Variants in DEPTOR observed in about 807,000 individuals in gnomAD.
The protein encoded by DEPTOR is DEP domain-containing mTOR-interacting protein.
Under a neutral mutation model 41.6 loss-of-function variants are expected in DEPTOR, and 41 were observed. The ratio of observed to expected loss-of-function variants is 0.98; its 90% CI spans 0.77 to 1.28. The LOEUF is 1.28. Ranked by LOEUF, DEPTOR falls within the 50% of genes most tolerant of loss-of-function variation. The probability of loss-of-function intolerance (pLI) is 0.00; values close to 1 mark genes in which losing one functional copy is unlikely to be tolerated. For missense variants in DEPTOR, 514 were observed against 527.9 expected (o/e 0.97, Z 0.26); for synonymous variants, 195 against 192.3 (o/e 1.01, Z -0.12).
intron 3 of DEPTOR, among the ~76,000 whole-genome samples, chr8:119,932,412 A>G (rs2129863380): frequency 7.4e-6 from 1 of 135,094 alleles, no homozygotes; most frequent in Middle Eastern, 4.1e-3. Flanking sequence ...TGATGGCAAG[A>G]CAGTAAGAAG....
intron 6 of DEPTOR, among the ~76,000 whole-genome samples, chr8:120,004,641 T>C (rs181632022): frequency 3.3e-5 from 5 of 152,310 alleles, no homozygotes; most frequent in African/African-American, 1.2e-4. Flanking sequence ...TCTTTCTCCT[T>C]GCCTCTGGGT....
chr8:119,938,771 A>C (rs1373487228), intron 3 of DEPTOR, among the ~76,000 whole-genome samples: 1 of 151,532 alleles, frequency 6.6e-6, no homozygotes, highest in Non-Finnish European at 1.5e-5. Context: ...CGGCCTCCCA[A>C]ATTGTTGGGA....
intron 1 of DEPTOR, among the ~76,000 whole-genome samples, chr8:119,903,406 T>A (rs2129757184): frequency 6.6e-6 from 1 of 152,270 alleles, no homozygotes; most frequent in Non-Finnish European, 1.5e-5. Context: ...CCAAAAATAC[T>A]ATTTTTTTGC....
intron 1 of DEPTOR, among the ~76,000 whole-genome samples, chr8:119,925,867 CA>C (rs1158260072): frequency 2.0e-5 from 3 of 152,168 alleles, no homozygotes; most frequent in African/African-American, 4.8e-5. Context: ...TCAAGTGATC[CA>C]CCTGCCTTGG....
At chr8:120,033,081 CTTTT>C (rs35161313) in intron 8 of DEPTOR, among the ~76,000 whole-genome samples, 187 of 98,928 alleles carry the variant, frequency 1.9e-3, no homozygotes, top group Middle Eastern at 0.012. Context: ...ATATGGAATT[CTTTT>C]TTTTTTTTTT....
chr8:119,884,616 A>G (rs1253853345), intron 1 of DEPTOR, among the ~76,000 whole-genome samples: 1 of 150,732 alleles, frequency 6.6e-6, no homozygotes, highest in Non-Finnish European at 1.5e-5. Flanking sequence ...ATTTCTATTG[A>G]GGATCTTGAG....
chr8:120,036,276 G>A (rs1481439745), intron 8 of DEPTOR, among the ~76,000 whole-genome samples: 1 of 152,202 alleles, frequency 6.6e-6, no homozygotes, highest in Non-Finnish European at 1.5e-5. Flanking sequence ...GCTACTTATT[G>A]TTGTTGTCTT....
chr8:120,001,345 T>G (rs1812347161), intron 4 of DEPTOR, among the ~76,000 whole-genome samples, 180 bp from the exon 5 acceptor site: 2 of 152,122 alleles, frequency 1.3e-5, no homozygotes, highest in African/African-American at 4.8e-5. Context: ...ATTTTTAAAG[T>G]GCATGTCACG....
At chr8:119,906,023 G>T (rs1827658776) in intron 1 of DEPTOR, among the ~76,000 whole-genome samples, 1 of 152,050 alleles carries the variant, frequency 6.6e-6, no homozygotes, top group Non-Finnish European at 1.5e-5. Flanking sequence ...TCGAACTCGG[G>T]CTCAAGCAGG....
rs528532651 is a variant in DEPTOR, at chr8:120,050,733, C to T, written c.*1029C>T. ...TAACTTTTCAGCTCACTTGTATATA[C>T]GCACGTTTTCATTTTTGGTCTAGAA... On this transcript the variant is annotated 3_prime_UTR_variant, in exon 9 of 9. Transcript: ENST00000286234. 1 of 152,156 alleles carries T rather than the reference C, an allele frequency of 6.6e-6. No homozygotes were observed. Among genetic ancestry groups the T allele is most frequent in the Admixed American group, 6.5e-5 (1 of 15,274 alleles). The allele number at this position is 152,156 out of a possible 1,614,324, so 9.4% of individuals were successfully genotyped here. A position where few individuals can be genotyped will look rare whatever the true frequency, so the allele number is the denominator to read the frequency against.
intron 4 of DEPTOR, among the ~76,000 whole-genome samples, chr8:119,988,877 A>G (rs1044502127): frequency 6.6e-6 from 1 of 151,966 alleles, no homozygotes; most frequent in Non-Finnish European, 1.5e-5. Flanking sequence ...AATTAAGTAA[A>G]TCGTTAAACT....
intron 8 of DEPTOR, among the ~76,000 whole-genome samples, chr8:120,026,244 G>A (rs1812794214): frequency 1.3e-5 from 2 of 152,072 alleles, no homozygotes; most frequent in South Asian, 2.1e-4. Flanking sequence ...GTAGCAGTGT[G>A]ATGAGACAGA....
At chr8:119,995,945 G>T (rs1235001028) in intron 4 of DEPTOR, among the ~76,000 whole-genome samples, 1 of 152,094 alleles carries the variant, frequency 6.6e-6, no homozygotes, top group Non-Finnish European at 1.5e-5. Context: ...CACACACAAA[G>T]CAAATGTGTG....
At chr8:119,932,982 C>T (rs11988434) in intron 3 of DEPTOR, among the ~76,000 whole-genome samples, 46,663 of 151,814 alleles carry the variant, frequency 0.31, 7,573 homozygotes, top group Middle Eastern at 0.41. Flanking sequence ...AGGAGAGTAG[C>T]AGGAGATGAG....
At chr8:119,963,627 A>C (rs1483438125) in intron 3 of DEPTOR, among the ~76,000 whole-genome samples, 1 of 152,198 alleles carries the variant, frequency 6.6e-6, no homozygotes, top group Non-Finnish European at 1.5e-5. Flanking sequence ...CTGGGACTAC[A>C]GGTGTGAGCT....
chr8:119,967,347 T>C (rs947081769), intron 4 of DEPTOR, among the ~76,000 whole-genome samples: 1 of 151,756 alleles, frequency 6.6e-6, no homozygotes. Flanking sequence ...TCCAAAGTGC[T>C]GGGATTACAA....
intron 1 of DEPTOR, among the ~76,000 whole-genome samples, chr8:119,887,967 G>A (rs1264368924): frequency 1.3e-5 from 2 of 152,004 alleles, no homozygotes; most frequent in Non-Finnish European, 2.9e-5. Flanking sequence ...CTACAGGTGT[G>A]TGCCAACACA....
At chr8:119,922,289 G>A (rs1035243921) in intron 1 of DEPTOR, among the ~76,000 whole-genome samples, 4 of 151,332 alleles carry the variant, frequency 2.6e-5, no homozygotes, top group African/African-American at 9.7e-5. Context: ...AGGTTGGAAA[G>A]TTTACAGGAG....
At chr8:119,969,276 G>A (rs1245310285) in intron 4 of DEPTOR, among the ~76,000 whole-genome samples, 1 of 151,984 alleles carries the variant, frequency 6.6e-6, no homozygotes, top group Non-Finnish European at 1.5e-5. Flanking sequence ...ACTCTGTAAT[G>A]CTATAAACAG....
Sources: allele counts gnomAD v4.1 joint callset (sites outside exome capture counted in the v4.1 genomes callset), GRCh38; gene constraint gnomAD v4.1.1; transcripts MANE v1.5; gene names NCBI Gene and HGNC (gene_info 2026-07-23, HGNC 2026-07-21).